Variants in BCAS3 observed in about 807,000 individuals in gnomAD.
BCAS3 encodes BCAS3 microtubule associated cell migration factor, also known as BCAS4/BCAS3 fusion.
In BCAS3, 53 loss-of-function variants were observed where a neutral mutation model predicts 116.1. The ratio of observed to expected loss-of-function variants is 0.46; its 90% CI spans 0.37 to 0.57. BCAS3 has a LOEUF of 0.57. Among genes scored for constraint, BCAS3 ranks in the 20% least tolerant of loss-of-function variants. The pLI is 0.00. For synonymous variants in BCAS3, 391 were observed against 408.2 expected, an observed-to-expected ratio of 0.96 and a Z score of 0.51; for missense variants, 917 against 1,165.4, an observed-to-expected ratio of 0.79 and a Z score of 3.10.
intron 7 of BCAS3, among the ~76,000 whole-genome samples, chr17:60,855,521 C>T (rs1344778968): frequency 7.4e-6 from 1 of 135,084 alleles, no homozygotes. Context: ...GTGGTGAGAT[C>T]TCGGCTCACT....
rs145551547 is a variant in BCAS3 at position 60,679,425 on chromosome 17, T to C, written c.-5-28T>C. ...AACAACGATCCATGTTTTTCTGTTT[T>C]TTGTTTGTTTGTTTGTTCTGGAAAC... On this transcript the variant is annotated intron_variant, in intron 1 of 23. Transcript: ENST00000407086. 1.3e-3 allele frequency: 1,906 copies of C among 1,517,906 alleles called. 32 individuals carry two copies. In the South Asian group the frequency reaches 0.018, roughly 14 times the overall value. The allele number at this position is 1,517,906 out of a possible 1,614,324, so 94.0% of individuals were successfully genotyped here.
At chr17:61,093,592 CA>C (rs199625309) in intron 22 of BCAS3, among the ~76,000 whole-genome samples, 6 of 151,518 alleles carry the variant, frequency 4.0e-5, no homozygotes, top group African/African-American at 1.5e-4. Context: ...GTTTAACAAA[CA>C]AAAAAAAATT....
At chr17:60,796,977 C>T (rs1347663364) in intron 6 of BCAS3, among the ~76,000 whole-genome samples, 1 of 152,198 alleles carries the variant, frequency 6.6e-6, no homozygotes, top group African/African-American at 2.4e-5. Context: ...GTGATCTCGG[C>T]TCACTGCAAC....
chr17:60,971,700 T>TA (rs1405909723), intron 14 of BCAS3, among the ~76,000 whole-genome samples: 1 of 152,196 alleles, frequency 6.6e-6, no homozygotes, highest in Non-Finnish European at 1.5e-5. Flanking sequence ...GAATAAAAGA[T>TA]AAAGTGGCTG....
intron 5 of BCAS3, among the ~76,000 whole-genome samples, chr17:60,739,868 G>GTTTTT (rs1203592870): frequency 1.4e-5 from 2 of 146,888 alleles, no homozygotes; most frequent in African/African-American, 5.2e-5. Flanking sequence ...AGAGGTTGCT[G>GTTTTT]TTTTTTTTGT....
At chr17:60,978,367 A>G (rs952021546) in intron 14 of BCAS3, among the ~76,000 whole-genome samples, 5 of 149,990 alleles carry the variant, frequency 3.3e-5, no homozygotes, top group Non-Finnish European at 7.4e-5. Flanking sequence ...TTTTCTTGTA[A>G]ATTTGTTTGA....
intron 6 of BCAS3, among the ~76,000 whole-genome samples, chr17:60,806,704 C>CA (rs2048317528): frequency 6.6e-6 from 1 of 152,076 alleles, no homozygotes; most frequent in African/African-American, 2.4e-5. Context: ...AGGAGTGTGC[C>CA]ACCATACCCA....
chr17:61,252,644 T>G (rs1192889498), intron 22 of BCAS3, among the ~76,000 whole-genome samples: 2 of 151,926 alleles, frequency 1.3e-5, no homozygotes, highest in African/African-American at 2.4e-5. Flanking sequence ...GGAACATGGT[T>G]CCTCATGTAG....
intron 4 of BCAS3, among the ~76,000 whole-genome samples, chr17:60,699,243 C>T (rs1218748015): frequency 1.3e-5 from 2 of 152,062 alleles, no homozygotes; most frequent in Non-Finnish European, 2.9e-5. Context: ...GAGACAGAGT[C>T]TCACTCTGTC....
At chr17:61,138,723 A>C (rs903589401) in intron 22 of BCAS3, among the ~76,000 whole-genome samples, 2 of 152,100 alleles carry the variant, frequency 1.3e-5, no homozygotes, top group Admixed American at 1.3e-4. Flanking sequence ...ATAATTTTTT[A>C]CTAGAACATT....
At chr17:61,342,915 A>G (rs2057273312) in intron 22 of BCAS3, among the ~76,000 whole-genome samples, 1 of 151,988 alleles carries the variant, frequency 6.6e-6, no homozygotes, top group African/African-American at 2.4e-5. Flanking sequence ...ACATCCAGCT[A>G]ATGTTTTTGT....
chr17:61,257,384 G>A (rs553788794), intron 22 of BCAS3, among the ~76,000 whole-genome samples: 4 of 131,552 alleles, frequency 3.0e-5, no homozygotes, highest in Non-Finnish European at 6.1e-5. Context: ...TCACACCACT[G>A]CACTCCAACC....
At chr17:61,170,007 A>G (rs925537425) in intron 22 of BCAS3, among the ~76,000 whole-genome samples, 1 of 151,652 alleles carries the variant, frequency 6.6e-6, no homozygotes, top group Non-Finnish European at 1.5e-5. Context: ...GATGGATGCC[A>G]CCTCGCCTGG....
At chr17:60,772,280 T>A (rs1463953653) in intron 6 of BCAS3, among the ~76,000 whole-genome samples, 7 of 152,054 alleles carry the variant, frequency 4.6e-5, no homozygotes, top group African/African-American at 1.7e-4. Flanking sequence ...TCATTGTGGT[T>A]TTGATTTGCA....
chr17:60,708,718 T>C (rs1335041490), intron 4 of BCAS3, among the ~76,000 whole-genome samples: 1 of 152,070 alleles, frequency 6.6e-6, no homozygotes, highest in Admixed American at 6.6e-5. Context: ...TTAGTGGAGA[T>C]GGGGTTTCAC....
intron 22 of BCAS3, among the ~76,000 whole-genome samples, chr17:61,230,142 TAC>T (rs58423435): frequency 0.068 from 10,198 of 149,962 alleles, 549 homozygotes; most frequent in African/African-American, 0.14. Context: ...AGTGTGTGTA[TAC>T]ACACACACAC....
rs913486272 is a variant in BCAS3 at position 61,095,612 on chromosome 17, A to G, written c.2425+11048A>G. Among the ~76,000 whole-genome samples, 6 of 152,076 alleles carry G rather than the reference A, an allele frequency of 3.9e-5. No individual in the cohort carries two copies. The highest frequency in any genetic ancestry group is 3.9e-4 in the Admixed American group (6 of 15,260). On this transcript the variant is annotated intron_variant, in intron 22 of 23. Coordinates refer to ENST00000407086, the MANE Select transcript of BCAS3 (RefSeq NM_017679.5). The surrounding 1 kb of genome is among the most constrained non-coding windows in gnomAD (Gnocchi z 4.7). Reference sequence around the variant, plus strand: ...CTCCCGAGTAGCTGGGACTCCAGGCATGCACCACCATGCCCGGCTAATTTT... The same window carrying G: ...CTCCCGAGTAGCTGGGACTCCAGGCGTGCACCACCATGCCCGGCTAATTTT...
chr17:60,711,357 C>T (rs185731328), intron 5 of BCAS3, among the ~76,000 whole-genome samples: 8 of 151,394 alleles, frequency 5.3e-5, no homozygotes, highest in East Asian at 3.9e-4. Context: ...TTTTTTCTTA[C>T]GGAGAGAAAT....
intron 4 of BCAS3, among the ~76,000 whole-genome samples, chr17:60,707,395 C>T (rs555622574): frequency 9.6e-4 from 146 of 152,206 alleles, no homozygotes; most frequent in Admixed American, 1.8e-3. Context: ...CCCAAAGTGC[C>T]GGGATTACTC....
Sources: gnomAD v4.1 joint callset for allele counts (sites outside exome capture counted in the v4.1 genomes callset) on GRCh38, gnomAD v4.1.1 for gene constraint, Gnocchi (gnomAD v3.1) non-coding constraint, MANE v1.5 for transcripts, NCBI Gene and HGNC (gene_info 2026-07-23, HGNC 2026-07-21) for gene names.